FER: variants seen among roughly 807,000 people sequenced by gnomAD.
FER encodes the protein tyrosine-protein kinase Fer.
A neutral mutation model predicts 111.0 loss-of-function variants in FER; 63 were observed. The ratio of observed to expected loss-of-function variants is 0.57; its 90% CI spans 0.46 to 0.70. The LOEUF (loss-of-function observed/expected upper bound fraction) is 0.70, where lower values mean the gene tolerates loss of function less well. FER is among the 30% of genes least tolerant of loss of function. The probability of loss-of-function intolerance (pLI) is 0.00; values close to 1 mark genes in which losing one functional copy is unlikely to be tolerated. For synonymous variants in FER, 327 were observed against 313.9 expected (o/e 1.04, Z -0.44); for missense variants, 914 against 954.0 (o/e 0.96, Z 0.55).
At chr5:108,774,017 C>T (rs1753209153) in intron 2 of FER, among the ~76,000 whole-genome samples, 1 of 152,034 alleles carries the variant, frequency 6.6e-6, no homozygotes, top group South Asian at 2.1e-4. Flanking sequence ...TGGTTTGCCG[C>T]ACCTATTGAC....
intron 10 of FER, among the ~76,000 whole-genome samples, chr5:108,934,073 G>T (rs1306639109): frequency 6.6e-6 from 1 of 152,032 alleles, no homozygotes; most frequent in Non-Finnish European, 1.5e-5. Flanking sequence ...TCTCTTGCCT[G>T]ATTGCCCTGG....
intron 13 of FER, among the ~76,000 whole-genome samples, chr5:108,978,692 G>T (rs1201390488): frequency 6.6e-6 from 1 of 152,174 alleles, no homozygotes; most frequent in Non-Finnish European, 1.5e-5. Context: ...TGCGTTGAGA[G>T]AATGTTTTAA....
At chr5:108,845,544 T>C (rs1761948379) in intron 5 of FER, among the ~76,000 whole-genome samples, 1 of 152,174 alleles carries the variant, frequency 6.6e-6, no homozygotes, top group Non-Finnish European at 1.5e-5. Context: ...ATGTTATCTA[T>C]GTATAAAGAC....
chr5:109,073,334 A>G (rs552147950), intron 16 of FER, among the ~76,000 whole-genome samples: 10 of 152,270 alleles, frequency 6.6e-5, no homozygotes, highest in African/African-American at 2.4e-4. Flanking sequence ...ACAAGACTCA[A>G]ACACCTTGAA....
intron 17 of FER, among the ~76,000 whole-genome samples, chr5:109,129,296 T>C (rs1752093043): frequency 2.0e-5 from 3 of 152,038 alleles, no homozygotes; most frequent in African/African-American, 4.8e-5. Flanking sequence ...ATGGAAAATT[T>C]GTTACAGTTT....
intron 16 of FER, among the ~76,000 whole-genome samples, chr5:109,065,637 C>T (rs558068793): frequency 2.6e-5 from 4 of 152,192 alleles, no homozygotes; most frequent in African/African-American, 9.6e-5. Context: ...TGGTGGAGCA[C>T]GTGAGCCCAG....
At chr5:108,978,654 G>T (rs904873421) in intron 13 of FER, among the ~76,000 whole-genome samples, 1 of 152,102 alleles carries the variant, frequency 6.6e-6, no homozygotes, top group Admixed American at 6.6e-5. Context: ...TTGATCCATT[G>T]TGGCACATAA....
rs542627087 is a variant in FER, at chr5:108,752,179, A to AT, written c.-206+4185dup. ...ATTCAGTGAACTCAGAAACAATTGG[A>AT]TTTTTTAAAATCAAGGCTCCAATTT... On this transcript the variant is annotated intron_variant, in intron 1 of 19. Coordinates refer to ENST00000281092, the MANE Select transcript of FER (RefSeq NM_005246.4). Among the ~76,000 whole-genome samples, 12 of 152,162 alleles carry AT rather than the reference A, an allele frequency of 7.9e-5. No homozygotes were observed. The South Asian group carries it at 2.3e-3, about 29-fold the overall frequency.
chr5:109,067,264 CTGT>C (rs1439166398), intron 16 of FER, among the ~76,000 whole-genome samples: 3 of 123,034 alleles, frequency 2.4e-5, no homozygotes, highest in East Asian at 2.2e-4. Flanking sequence ...GTTGTTGTTG[CTGT>C]TGCTGCTGCT....
At chr5:109,184,761 CA>C (rs1758678149) in intron 18 of FER, among the ~76,000 whole-genome samples, 1 of 152,232 alleles carries the variant, frequency 6.6e-6, no homozygotes, top group Non-Finnish European at 1.5e-5. Context: ...CTACTTCACA[CA>C]GCTGGAGCTG....
At chr5:109,061,055 G>A (rs967420386) in intron 16 of FER, among the ~76,000 whole-genome samples, 2 of 152,106 alleles carry the variant, frequency 1.3e-5, no homozygotes, top group African/African-American at 4.8e-5. Context: ...GGGAAGCACA[G>A]TTTGTCTTCA....
intron 16 of FER, among the ~76,000 whole-genome samples, chr5:109,062,249 G>A (rs546561026): frequency 1.2e-4 from 18 of 152,192 alleles, no homozygotes; most frequent in Non-Finnish European, 2.4e-4. Flanking sequence ...CTGGCTGGGC[G>A]TAGTGGCTCA....
chr5:108,785,197 G>A, intron 2 of FER: 1 of 622,722 alleles, frequency 1.6e-6, no homozygotes. Context: ...TGAACACTGT[G>A]ACTATGTCTC....
At chr5:108,960,295 A>G (rs372434241) in intron 13 of FER, among the ~76,000 whole-genome samples, 1 of 152,104 alleles carries the variant, frequency 6.6e-6, no homozygotes, top group Non-Finnish European at 1.5e-5. Flanking sequence ...CTATATTTGT[A>G]CTTTTATTGT....
At chr5:108,953,055 A>G (rs957840896) in intron 11 of FER, among the ~76,000 whole-genome samples, 2 of 152,076 alleles carry the variant, frequency 1.3e-5, no homozygotes, top group African/African-American at 4.8e-5. Context: ...AAAATTTTAG[A>G]ATTTACTCTA....
rs1458515992 is a variant in FER, at chr5:108,946,148, T to C, written c.1255T>C (p.Ser419Pro). The change falls in exon 11 of 20, where the codon TCC (serine) becomes CCC (proline). Residue 419 changes from serine to proline, a missense_variant. Ser to Pro is a moderately conservative substitution (Grantham distance 74). Coordinates refer to ENST00000281092, the MANE Select transcript of FER (RefSeq NM_005246.4). ...VTSMERKERL[S>P]KFESIRHSIA... is the part of the protein sequence containing the mutation. ...CCTCCAGGAAAGAAAGGAGAGGCTA[T>C]CCAAATTTGAATCTATTCGTCATTC... The C allele has an allele frequency of 6.2e-7, 1 of 1,611,978 alleles. No individual in the cohort carries two copies. Among genetic ancestry groups the C allele is most frequent in the African/African-American group, 1.3e-5 (1 of 74,820 alleles).
At chr5:108,960,876 T>C (rs554571967) in intron 13 of FER, among the ~76,000 whole-genome samples, 1 of 152,168 alleles carries the variant, frequency 6.6e-6, no homozygotes, top group African/African-American at 2.4e-5. Flanking sequence ...TTCTTTTACA[T>C]CACTGCCCTC....
At chr5:108,910,263 C>T (rs973121244) in intron 10 of FER, among the ~76,000 whole-genome samples, 1 of 152,106 alleles carries the variant, frequency 6.6e-6, no homozygotes, top group African/African-American at 2.4e-5. Flanking sequence ...ACTTGTCTAT[C>T]ATCATCTACA....
At chr5:109,035,806 T>C (rs951649593) in intron 13 of FER, among the ~76,000 whole-genome samples, 16 of 152,230 alleles carry the variant, frequency 1.1e-4, no homozygotes, top group Admixed American at 8.5e-4. Context: ...CTCCACACCC[T>C]CACAATCTCT....
Sources: gnomAD v4.1 joint callset for allele counts (sites outside exome capture counted in the v4.1 genomes callset) on GRCh38, gnomAD v4.1.1 for gene constraint, MANE v1.5 for transcripts, NCBI Gene and HGNC (gene_info 2026-07-23, HGNC 2026-07-21) for gene names.